ATG4B: variants seen among roughly 807,000 people sequenced by gnomAD.
ATG4B encodes cysteine protease ATG4B.
ATG4B carries 29 observed loss-of-function variants against 56.6 expected under a neutral mutation model. The observed-to-expected ratio is 0.51, with a 90% CI of 0.38 to 0.70. ATG4B has a LOEUF of 0.70. ATG4B is among the 30% of genes least tolerant of loss of function. The pLI is 0.00. For missense variants in ATG4B, 461 were observed against 515.5 expected, an observed-to-expected ratio of 0.89 and a Z score of 1.02; for synonymous variants, 224 against 206.1, an observed-to-expected ratio of 1.09 and a Z score of -0.74.
In ATG4B at chr2:241,666,824, G is replaced by C. The variant is rs575560117; in HGVS notation, c.718G>C (p.Val240Leu). The C allele has an allele frequency of 6.4e-7, 1 of 1,564,300 alleles. No individual in the cohort carries two copies. Among genetic ancestry groups the C allele is most frequent in the East Asian group, 2.4e-5 (1 of 41,814 alleles). The change falls in exon 8 of 13, where the codon GTG (valine) becomes CTG (leucine). Residue 240 changes from valine (V) to leucine (L), a missense_variant. Coordinates refer to ENST00000404914, the MANE Select transcript of ATG4B (RefSeq NM_013325.5). ...LGLTDINEAY[V>L]ETLKHCFMMP... ...GCTCACGGACATCAACGAGGCCTAC[G>C]TGGAGACGCTGAAGGTGGGTCCTGC...
rs2068237218 is a variant in ATG4B at position 241,651,782 on chromosome 2, C to T, written c.184+447C>T. ...TTTGGAAGCCATTCTCTGTAGCCCT[C>T]ATCTTTTTTAGTATTTTCCACACTT... On this transcript the variant is annotated intron_variant, in intron 3 of 12. Coordinates refer to ENST00000404914, the MANE Select transcript of ATG4B (RefSeq NM_013325.5). The surrounding 1 kb of genome is among the most constrained non-coding windows in gnomAD (Gnocchi z 4.1). The T allele has an allele frequency of 5.3e-6, 4 of 748,234 alleles. No homozygotes were observed. The highest frequency in any genetic ancestry group is 4.7e-5 in the South Asian group (3 of 64,094). 46.3% of individuals were successfully genotyped at this position (748,234 alleles called of 1,614,324 possible).
intron 10 of ATG4B, among the ~76,000 whole-genome samples, chr2:241,669,972 CGTTGA>C (rs1308557860): frequency 4.6e-5 from 7 of 152,140 alleles, no homozygotes; most frequent in Non-Finnish European, 8.8e-5. Context: ...GACGCGTGAA[CGTTGA>C]GTTGAGACCA....
Position 241,671,914 on chromosome 2 carries a change from T to C in ATG4B, c.1109-277T>C, listed in dbSNP as rs2068988110. The C allele has an allele frequency of 2.2e-6, 3 of 1,362,834 alleles. No homozygotes were observed. The South Asian group carries it at 5.0e-5, about 23-fold the overall frequency. The allele number at this position is 1,362,834 out of a possible 1,614,324, so 84.4% of individuals were successfully genotyped here. On this transcript the variant is annotated intron_variant, in intron 12 of 12. Transcript: ENST00000404914. ...GCAATGGCAATGGAACCACTCCTGA[T>C]GACCACGAGGGTCAGACGCGGGACA... is the stretch of plus-strand genomic sequence containing the variant.
intron 5 of ATG4B, chr2:241,654,976 A>G: frequency 1.7e-6 from 1 of 576,306 alleles, no homozygotes. Flanking sequence ...GAGTGAGTAA[A>G]GAAGAGTTGG....
At position 241,651,309 on chromosome 2, in the gene ATG4B, C is replaced by T; in HGVS notation, c.158C>T (p.Thr53Ile). The change falls in exon 3 of 13, where the codon ACA becomes ATA. Residue 53 changes from threonine to isoleucine, a missense_variant. Coordinates refer to ENST00000404914, the MANE Select transcript of ATG4B (RefSeq NM_013325.5). This position sits in a 1 kb window ranked among gnomAD's most constrained non-coding sequence, Gnocchi z 4.1. ...GATGTGGCATCTAGACTTTGGTTTA[C>T]ATACAGGAAAAACTTTCCAGCCATT... ...LSDVASRLWF[T>I]YRKNFPAIGG... 1 of 1,602,016 alleles carries T rather than the reference C, an allele frequency of 6.2e-7. No individual in the cohort carries two copies. The highest frequency in any genetic ancestry group is 8.5e-7 in the Non-Finnish European group (1 of 1,173,832).
intron 6 of ATG4B, among the ~76,000 whole-genome samples, chr2:241,655,789 T>C (rs149751543): frequency 0.051 from 7,823 of 152,276 alleles, 396 homozygotes; most frequent in African/African-American, 0.13. Context: ...CGTCTGAAAG[T>C]GTGCTCTGCA....
intron 1 of ATG4B, 97 bp downstream of exon 1, chr2:241,637,821 C>G: frequency 7.1e-7 from 1 of 1,404,674 alleles, no homozygotes; most frequent in South Asian, 1.6e-5. Context: ...CGCCTCGGGG[C>G]ACGCCGGTGC....
At position 241,672,359 on chromosome 2, in the gene ATG4B, G is replaced by T. The variant is rs1320393090; in HGVS notation, c.*95G>T. On this transcript the variant is annotated 3_prime_UTR_variant, in exon 13 of 13. Coordinates refer to ENST00000404914, the MANE Select transcript of ATG4B (RefSeq NM_013325.5). ...CGCCCGCTCGCCTGCCGAGGGCTGCGCCCCGTGCTGCCTCCCCCCAGAGGG... is the reference window on the plus strand; with the variant it reads ...CGCCCGCTCGCCTGCCGAGGGCTGCTCCCCGTGCTGCCTCCCCCCAGAGGG... 3.5e-6 allele frequency: 4 copies of T among 1,146,186 alleles called. No homozygotes were observed. Among genetic ancestry groups the T allele is most frequent in the Non-Finnish European group, 5.0e-6 (4 of 794,670 alleles). 71.0% of individuals were successfully genotyped at this position (1,146,186 alleles called of 1,614,324 possible). A position where few individuals can be genotyped will look rare whatever the true frequency, so the allele number is the denominator to read the frequency against.
chr2:241,668,933 A>G lies in ATG4B; in HGVS notation c.957+248A>G. On this transcript the variant is annotated intron_variant, in intron 10 of 12. Coordinates refer to ENST00000404914, the MANE Select transcript of ATG4B (RefSeq NM_013325.5). The surrounding 1 kb of genome is among the most constrained non-coding windows in gnomAD (Gnocchi z 4.2). The stretch of plus-strand genomic sequence containing the variant: ...AGTGGCCCAGAGAGCGTGTGTCTGG[A>G]TGTGAGCGTGTGTGGGCGCGTGCTG... 1 of 562,534 alleles carries G rather than the reference A, an allele frequency of 1.8e-6. No homozygotes were observed. Among genetic ancestry groups the G allele is most frequent in the Non-Finnish European group, 3.1e-6 (1 of 322,468 alleles). 34.8% of individuals were successfully genotyped at this position (562,534 alleles called of 1,614,324 possible). A position where few individuals can be genotyped will look rare whatever the true frequency, so the allele number is the denominator to read the frequency against.
Position 241,653,633 on chromosome 2 carries a change from G to A in ATG4B, c.283+23G>A, listed in dbSNP as rs531390381. On this transcript the variant is annotated intron_variant, in intron 4 of 12. Coordinates refer to ENST00000404914, the MANE Select transcript of ATG4B (RefSeq NM_013325.5). ...GAGGTGAGTCACAGCCCTGGGGAGG[G>A]CGCATGGCCACGGTGTTCTCAGGAA... is the stretch of plus-strand genomic sequence containing the variant. The A allele has an allele frequency of 2.6e-6, 4 of 1,553,984 alleles. No individual in the cohort carries two copies. In the African/African-American group the frequency reaches 5.5e-5, roughly 21 times the overall value.
chr2:241,640,535 G>C (rs1468746551), intron 1 of ATG4B, among the ~76,000 whole-genome samples: 2 of 152,220 alleles, frequency 1.3e-5, no homozygotes, highest in Non-Finnish European at 2.9e-5. Flanking sequence ...CTAGACACTA[G>C]GACTAGAGAA....
At chr2:241,658,406 C>T (rs2068480538) in intron 6 of ATG4B, among the ~76,000 whole-genome samples, 1 of 152,076 alleles carries the variant, frequency 6.6e-6, no homozygotes, top group Non-Finnish European at 1.5e-5. Flanking sequence ...GTCCCCTGCT[C>T]CACCCCCACC....
At chr2:241,662,953 G>T (rs140398332) in intron 7 of ATG4B, among the ~76,000 whole-genome samples, 2 of 151,846 alleles carry the variant, frequency 1.3e-5, no homozygotes, top group African/African-American at 4.8e-5. Context: ...CCAATAAAGC[G>T]GGCCGGGCGC....
At chr2:241,658,315 G>A (rs981520583) in intron 6 of ATG4B, among the ~76,000 whole-genome samples, 2 of 151,960 alleles carry the variant, frequency 1.3e-5, no homozygotes, top group Non-Finnish European at 2.9e-5. Flanking sequence ...TGGTGGGGCA[G>A]GGGGGCAGTG....
intron 1 of ATG4B, among the ~76,000 whole-genome samples, chr2:241,645,305 G>A (rs577481183): frequency 3.3e-5 from 5 of 152,304 alleles, no homozygotes; most frequent in South Asian, 2.1e-4. Flanking sequence ...GAGCCAGCCC[G>A]TGAGGCCGGG....
chr2:241,664,791 C>G (rs999053241), intron 7 of ATG4B, among the ~76,000 whole-genome samples: 1 of 152,092 alleles, frequency 6.6e-6, no homozygotes, highest in Non-Finnish European at 1.5e-5. Context: ...TGGCAAAACC[C>G]CGTCTCTACT....
chr2:241,673,311 G>C lies in ATG4B; in HGVS notation c.*1047G>C, dbSNP rs555768971. The C allele has an allele frequency of 1.9e-4, 65 of 349,912 alleles. No individual in the cohort carries two copies. Among genetic ancestry groups the C allele is most frequent in the Admixed American group, 1.1e-3 (29 of 26,274 alleles). The allele number at this position is 349,912 out of a possible 1,614,324, so 21.7% of individuals were successfully genotyped here. A position where few individuals can be genotyped will look rare whatever the true frequency, so the allele number is the denominator to read the frequency against. ...ACCGCCTGACCCTGTGTAACCTGCT[G>C]TCCCGGGTCCCAGAGTGCACTCTGC... On this transcript the variant is annotated 3_prime_UTR_variant, in exon 13 of 13. Coordinates refer to ENST00000404914, the MANE Select transcript of ATG4B (RefSeq NM_013325.5).
At chr2:241,640,616 G>A (rs879908945) in intron 1 of ATG4B, among the ~76,000 whole-genome samples, 1 of 152,210 alleles carries the variant, frequency 6.6e-6, no homozygotes, top group Non-Finnish European at 1.5e-5. Flanking sequence ...CATTAGCAGC[G>A]AAGTGCGTGG....
In ATG4B at chr2:241,651,789, T is replaced by C; in HGVS notation, c.184+454T>C. 1 of 820,830 alleles carries C rather than the reference T, an allele frequency of 1.2e-6. No homozygotes were observed. The highest frequency in any genetic ancestry group is 1.8e-6 in the Non-Finnish European group (1 of 560,232). 50.8% of individuals were successfully genotyped at this position (820,830 alleles called of 1,614,324 possible). A position where few individuals can be genotyped will look rare whatever the true frequency, so the allele number is the denominator to read the frequency against. On this transcript the variant is annotated intron_variant, in intron 3 of 12. Coordinates refer to ENST00000404914, the MANE Select transcript of ATG4B (RefSeq NM_013325.5). This position sits in a 1 kb window ranked among gnomAD's most constrained non-coding sequence, Gnocchi z 4.1. ...GCCATTCTCTGTAGCCCTCATCTTT[T>C]TTAGTATTTTCCACACTTAACCTGT... is the stretch of plus-strand genomic sequence containing the variant.
Sources: allele counts gnomAD v4.1 joint callset (sites outside exome capture counted in the v4.1 genomes callset), GRCh38; gene constraint gnomAD v4.1.1; non-coding constraint Gnocchi (gnomAD v3.1); transcripts MANE v1.5; gene names NCBI Gene and HGNC (gene_info 2026-07-23, HGNC 2026-07-21).